IFT81: variants seen among roughly 807,000 people sequenced by gnomAD.
The protein encoded by IFT81 is intraflagellar transport protein 81 homolog.
IFT81 carries 72 observed loss-of-function variants against 102.6 expected under a neutral mutation model. That is an observed-to-expected ratio of 0.70 (90% confidence interval 0.58 to 0.85). The LOEUF is 0.85. Ranked by LOEUF, IFT81 falls within the 40% of genes least tolerant of loss-of-function variation. IFT81 has a pLI of 0.00. For synonymous variants in IFT81, 237 were observed against 242.7 expected (o/e 0.98, Z 0.22); for missense variants, 723 against 787.3 (o/e 0.92, Z 0.98).
chr12:110,178,691 C>G (rs1241590495), intron 11 of IFT81, among the ~76,000 whole-genome samples: 1 of 134,860 alleles, frequency 7.4e-6, no homozygotes, highest in Non-Finnish European at 1.6e-5. Flanking sequence ...TCTCGGCTCA[C>G]TGCAACCTCC....
At chr12:110,142,757 G>A (rs1894974372) in intron 8 of IFT81, among the ~76,000 whole-genome samples, 1 of 151,944 alleles carries the variant, frequency 6.6e-6, no homozygotes, top group Non-Finnish European at 1.5e-5. Context: ...CCTAGGCGTG[G>A]TGATGTACAC....
intron 11 of IFT81, among the ~76,000 whole-genome samples, chr12:110,178,991 T>C (rs1188135851): frequency 6.6e-6 from 1 of 151,834 alleles, no homozygotes; most frequent in Non-Finnish European, 1.5e-5. Flanking sequence ...TAATGGGGTC[T>C]TTCCATTAGA....
intron 12 of IFT81, among the ~76,000 whole-genome samples, chr12:110,188,207 C>T (rs562271205): frequency 9.9e-5 from 15 of 151,642 alleles, no homozygotes; most frequent in African/African-American, 3.6e-4. Context: ...TGGTGGGTGC[C>T]GGGAATCCCA....
intron 14 of IFT81, among the ~76,000 whole-genome samples, chr12:110,193,150 G>A (rs1232994397): frequency 1.3e-5 from 2 of 152,116 alleles, no homozygotes; most frequent in Non-Finnish European, 2.9e-5. Flanking sequence ...GTGACAGAGT[G>A]AGACCCTGTC....
chr12:110,127,287 A>T, intron 1 of IFT81, 73 bp from the exon 2 acceptor site: 6 of 1,296,580 alleles, frequency 4.6e-6, no homozygotes, highest in Non-Finnish European at 6.1e-6. Flanking sequence ...CGTTGTATGA[A>T]CTTAATTCTG....
At chr12:110,174,733 A>G (rs1896966712) in intron 11 of IFT81, among the ~76,000 whole-genome samples, 4 of 152,224 alleles carry the variant, frequency 2.6e-5, no homozygotes, top group Admixed American at 1.3e-4. Flanking sequence ...ATCCATTACA[A>G]AAGCTAGCCC....
At chr12:110,204,584 T>G (rs1432194564) in intron 15 of IFT81, 1 of 153,014 alleles carries the variant, frequency 6.5e-6, no homozygotes, top group Non-Finnish European at 1.5e-5. Context: ...CAAGCTTGTT[T>G]TCACTTTGGG....
intron 17 of IFT81, among the ~76,000 whole-genome samples, chr12:110,206,600 G>A (rs1024341246): frequency 6.6e-5 from 10 of 151,780 alleles, no homozygotes; most frequent in East Asian, 1.9e-4. Context: ...GCTTGAACCC[G>A]GGGAGCAGGG....
chr12:110,160,589 A>G (rs1252286957), intron 10 of IFT81, among the ~76,000 whole-genome samples: 3 of 152,218 alleles, frequency 2.0e-5, no homozygotes, highest in African/African-American at 7.2e-5. Flanking sequence ...CTTCCAGTCC[A>G]CTAACTCAAA....
At chr12:110,135,488 C>G in intron 7 of IFT81, 51 bp downstream of exon 7, 1 of 1,057,240 alleles carries the variant, frequency 9.5e-7, no homozygotes, top group Non-Finnish European at 1.4e-6. Flanking sequence ...AGTTCCTTCT[C>G]ATAATCCAAA....
At chr12:110,194,529 C>A (rs893737888) in intron 14 of IFT81, among the ~76,000 whole-genome samples, 1 of 152,146 alleles carries the variant, frequency 6.6e-6, no homozygotes, top group South Asian at 2.1e-4. Context: ...CCACCTCAGG[C>A]TTCCAAAATG....
chr12:110,209,904 A>G (rs1869187423), intron 18 of IFT81, among the ~76,000 whole-genome samples: 1 of 152,224 alleles, frequency 6.6e-6, no homozygotes, highest in Non-Finnish European at 1.5e-5. Context: ...TTTATTTAAT[A>G]CAAACAACTG....
intron 11 of IFT81, among the ~76,000 whole-genome samples, chr12:110,175,809 T>C (rs1003401297): frequency 3.3e-5 from 5 of 149,402 alleles, no homozygotes; most frequent in African/African-American, 1.0e-4. Flanking sequence ...ATCTCATTGT[T>C]TTATTTATTT....
intron 5 of IFT81, among the ~76,000 whole-genome samples, chr12:110,133,761 A>G (rs747796546): frequency 5.3e-5 from 8 of 152,224 alleles, no homozygotes; most frequent in Non-Finnish European, 1.0e-4. Flanking sequence ...GCCTCTTTCA[A>G]TTAATGTCAT....
intron 11 of IFT81, among the ~76,000 whole-genome samples, chr12:110,167,620 A>G (rs1163910521): frequency 6.6e-6 from 1 of 152,152 alleles, no homozygotes; most frequent in African/African-American, 2.4e-5. Context: ...GATAGTCTCA[A>G]AATATTTTGA....
intron 10 of IFT81, among the ~76,000 whole-genome samples, chr12:110,151,902 C>T (rs1195084725): frequency 1.3e-5 from 2 of 152,118 alleles, no homozygotes; most frequent in African/African-American, 2.4e-5. Context: ...TGAGATCATG[C>T]ACTATTTGTC....
chr12:110,131,534 G>A (rs1042740908), intron 4 of IFT81, among the ~76,000 whole-genome samples: 8 of 151,880 alleles, frequency 5.3e-5, no homozygotes, highest in African/African-American at 1.9e-4. Context: ...TTTTAGTAGA[G>A]ACAGGGTTTC....
intron 12 of IFT81, among the ~76,000 whole-genome samples, chr12:110,181,177 G>A (rs1566150418): frequency 6.6e-6 from 1 of 152,052 alleles, no homozygotes; most frequent in African/African-American, 2.4e-5. Flanking sequence ...AGAAGTAAGT[G>A]GAATTTCAAC....
intron 11 of IFT81, among the ~76,000 whole-genome samples, chr12:110,179,524 C>T (rs947365354): frequency 1.3e-5 from 2 of 151,254 alleles, no homozygotes; most frequent in African/African-American, 4.9e-5. Context: ...GAGTTCAAAA[C>T]CAGCCTGGGC....
Sources: allele counts gnomAD v4.1 joint callset (sites outside exome capture counted in the v4.1 genomes callset), GRCh38; gene constraint gnomAD v4.1.1; transcripts MANE v1.5; gene names NCBI Gene and HGNC (gene_info 2026-07-23, HGNC 2026-07-21).